Variants in ACP4 observed in about 807,000 individuals in gnomAD.
ACP4 encodes the protein acid phosphatase 4.
Under a neutral mutation model 47.3 loss-of-function variants are expected in ACP4, and 49 were observed. The observed-to-expected ratio is 1.04, with a 90% CI of 0.82 to 1.32. The LOEUF (loss-of-function observed/expected upper bound fraction) is 1.32, where lower values mean the gene tolerates loss of function less well. ACP4 is among the 40% of genes most tolerant of loss of function. The pLI, the probability that ACP4 is intolerant of heterozygous loss-of-function variation, is 0.00. For synonymous variants in ACP4, 299 were observed against 265.3 expected, an observed-to-expected ratio of 1.13 and a Z score of -1.23; for missense variants, 594 against 579.3, an observed-to-expected ratio of 1.03 and a Z score of -0.26.
rs1355692054 is a variant in ACP4 at position 50,792,123 on chromosome 19, GGAGGCCACC to G, written c.508_516del (p.Thr170_Ala172del). ...GTCCCCGATACCACGAGCTGCTGCG[GGAGGCCACC>G]GAGGCCGCCGAGTACCAGGAGGCCC... On this transcript the variant is annotated inframe_deletion, in exon 5 of 11. Transcript: ENST00000270593. 3 of 1,607,280 alleles carry G rather than the reference GGAGGCCACC, an allele frequency of 1.9e-6. No homozygotes were observed. The highest frequency in any genetic ancestry group is 2.2e-5 in the South Asian group (2 of 90,556).
intron 4 of ACP4, 46 bp downstream of exon 4, chr19:50,791,848 G>A (rs766278818): frequency 1.9e-6 from 3 of 1,542,792 alleles, no homozygotes; most frequent in African/African-American, 2.7e-5. Flanking sequence ...AGCGGGTGGA[G>A]AGAGAGGCAG....
chr19:50,792,557 G>C (rs2089519321), intron 6 of ACP4: 2 of 557,368 alleles, frequency 3.6e-6, no homozygotes, highest in South Asian at 2.5e-5. Flanking sequence ...ATAGTGCCTG[G>C]TGTACAGTGA....
intron 3 of ACP4, 36 bp downstream of exon 3, chr19:50,790,896 C>A: frequency 6.6e-7 from 1 of 1,526,036 alleles, no homozygotes; most frequent in Non-Finnish European, 8.8e-7. Context: ...GCCCCCTGAC[C>A]TCCCACCTGT....
Position 50,791,876 on chromosome 19 carries a change from T to A in ACP4, c.450+74T>A, listed in dbSNP as rs535803565. The A allele has an allele frequency of 3.3e-6, 5 of 1,509,194 alleles. No individual in the cohort carries two copies. In the African/African-American group the frequency reaches 6.9e-5, roughly 21 times the overall value. The allele number at this position is 1,509,194 out of a possible 1,614,324, so 93.5% of individuals were successfully genotyped here. On this transcript the variant is annotated intron_variant, in intron 4 of 10. Coordinates refer to ENST00000270593, the MANE Select transcript of ACP4 (RefSeq NM_033068.3). ...AGAGGCAGCTCTGGGTCTGGCCGCC[T>A]GAGCTGGCTCCGAGAAGCAAGACTG...
Position 50,792,228 on chromosome 19 carries a change from C to T in ACP4, c.550-14C>T, listed in dbSNP as rs533594913. ...AGGGGATGGGCCTGGGCTCACCCAG[C>T]CCCGCGCATCCAGGGCTTCCTGAGT... On this transcript the variant is annotated splice_polypyrimidine_tract_variant and intron_variant, in intron 5 of 10. Coordinates refer to ENST00000270593, the MANE Select transcript of ACP4 (RefSeq NM_033068.3). 27 of 1,612,584 alleles carry T rather than the reference C, an allele frequency of 1.7e-5. No individual in the cohort carries two copies. The highest frequency in any genetic ancestry group is 1.3e-4 in the East Asian group (6 of 44,878).
Position 50,792,185 on chromosome 19 carries a change from CG to C in ACP4, c.549+16del. On this transcript the variant is annotated intron_variant, in intron 5 of 10. Coordinates refer to ENST00000270593, the MANE Select transcript of ACP4 (RefSeq NM_033068.3). ...GAGGGCTGGACGGTGAGCAGGGCGG[CG>C]GTGGGGGGCGGGATGCAGGGGATGG... The C allele has an allele frequency of 6.2e-7, 1 of 1,610,324 alleles. No individual in the cohort carries two copies. The highest frequency in any genetic ancestry group is 1.7e-5 in the Admixed American group (1 of 59,952).
chr19:50,793,370 C>T, intron 6 of ACP4: 1 of 301,172 alleles, frequency 3.3e-6, no homozygotes, highest in Non-Finnish European at 6.2e-6. Flanking sequence ...AAAAAATTAG[C>T]CAGGAATGGT....
Position 50,794,776 on chromosome 19 carries a change from C to A in ACP4, c.987-10C>A. 1 of 1,589,630 alleles carries A rather than the reference C, an allele frequency of 6.3e-7. No homozygotes were observed. The highest frequency in any genetic ancestry group is 8.6e-7 in the Non-Finnish European group (1 of 1,165,040). On this transcript the variant is annotated splice_polypyrimidine_tract_variant and intron_variant, in intron 9 of 10. Coordinates refer to ENST00000270593, the MANE Select transcript of ACP4 (RefSeq NM_033068.3). Reference sequence around the variant, plus strand: ...GAGGGAGGAGGTGCCACCATGTCCTCTCTCTCCAGGAATGTCACCGTCTCC... The same window carrying A: ...GAGGGAGGAGGTGCCACCATGTCCTATCTCTCCAGGAATGTCACCGTCTCC...
Position 50,793,783 on chromosome 19 carries a change from C to T in ACP4, c.745C>T (p.Pro249Ser). 6.2e-7 allele frequency: 1 copy of T among 1,613,902 alleles called. No individual in the cohort carries two copies. The highest frequency in any genetic ancestry group is 8.5e-7 in the Non-Finnish European group (1 of 1,180,024). Residue 249 changes from proline (P) to serine (S), a missense_variant, in exon 7 of 11, where the codon CCC becomes TCC. Coordinates refer to ENST00000270593, the MANE Select transcript of ACP4 (RefSeq NM_033068.3). ...GGATATTGGAGCCCACGTGGGCCCA[C>T]CCCGGGCAGCAGAGAAGGCCCAGCT... ...ALDIGAHVGP[P>S]RAAEKAQLTG... is the part of the protein sequence containing the mutation.
At chr19:50,793,040 T>C (rs964483499) in intron 6 of ACP4, 2 of 154,676 alleles carry the variant, frequency 1.3e-5, no homozygotes, top group Non-Finnish European at 2.9e-5. Flanking sequence ...GGAGCAGTGA[T>C]GTGTGTGACT....
At chr19:50,791,869 G>A (rs1267325428) in intron 4 of ACP4, 67 bp downstream of exon 4, 13 of 1,516,552 alleles carry the variant, frequency 8.6e-6, no homozygotes, top group Non-Finnish European at 1.2e-5. Context: ...CTCTGGGTCT[G>A]GCCGCCTGAG....
rs374772444 is a variant in ACP4 at position 50,792,178 on chromosome 19, A to G, written c.549+7A>G. On this transcript the variant is annotated splice_region_variant and intron_variant, in intron 5 of 10. Coordinates refer to ENST00000270593, the MANE Select transcript of ACP4 (RefSeq NM_033068.3). ...GGCCCTGGAGGGCTGGACGGTGAGC[A>G]GGGCGGCGGTGGGGGGCGGGATGCA... 87 of 1,610,268 alleles carry G rather than the reference A, an allele frequency of 5.4e-5. No individual in the cohort carries two copies. In the African/African-American group the frequency reaches 1.0e-3, roughly 19 times the overall value.
rs1047373271 is a variant in ACP4 at position 50,791,920 on chromosome 19, C to A, written c.450+118C>A. 20 of 1,467,808 alleles carry A rather than the reference C, an allele frequency of 1.4e-5. No homozygotes were observed. In the African/African-American group the frequency reaches 2.7e-4, roughly 20 times the overall value. 90.9% of individuals were successfully genotyped at this position (1,467,808 alleles called of 1,614,324 possible). On this transcript the variant is annotated intron_variant, in intron 4 of 10. Transcript: ENST00000270593. ...AAGACTGTCCTCGAGCTGGTCTGTC[C>A]AGACCAGGGTGAGCCCCGGCCCACG...
intron 6 of ACP4, 155 bp from the exon 7 acceptor site, chr19:50,793,516 AAACAAAAAACAAC>A: frequency 9.4e-7 from 1 of 1,064,966 alleles, no homozygotes. Flanking sequence ...CTCCGTTTCA[AAACAAAAAACAAC>A]AACAAAAAAA....
Position 50,792,183 on chromosome 19 carries a change from G to T in ACP4, c.549+12G>T. On this transcript the variant is annotated intron_variant, in intron 5 of 10. Transcript: ENST00000270593. ...TGGAGGGCTGGACGGTGAGCAGGGC[G>T]GCGGTGGGGGGCGGGATGCAGGGGA... 1 of 1,610,418 alleles carries T rather than the reference G, an allele frequency of 6.2e-7. No homozygotes were observed. Among genetic ancestry groups the T allele is most frequent in the Non-Finnish European group, 8.5e-7 (1 of 1,179,400 alleles).
At position 50,794,826 on chromosome 19, in the gene ACP4, C is replaced by G. The variant is rs1394644949; in HGVS notation, c.1027C>G (p.His343Asp). 1 of 1,611,872 alleles carries G rather than the reference C, an allele frequency of 6.2e-7. No homozygotes were observed. Residue 343 changes from histidine (H) to aspartate (D), a missense_variant, in exon 10 of 11, where the codon CAC (histidine) becomes GAC (aspartate). Transcript: ENST00000270593. ...VSLFYRNDSA[H>D]LPLPLSLPGC... ...CCTCTTCTACCGCAATGACTCCGCC[C>G]ACCTGCCCCTGCCTCTCAGCCTCCC...
chr19:50,792,676 C>CTTTTTTT (rs781192952), intron 6 of ACP4: 1 of 110,530 alleles, frequency 9.0e-6, no homozygotes, highest in Non-Finnish European at 1.8e-5. Flanking sequence ...TGATGCAATG[C>CTTTTTTT]TTTTTTTTTT....
rs1409543847 is a variant in ACP4, at chr19:50,790,716, G to A, written c.216+18G>A. On this transcript the variant is annotated intron_variant, in intron 2 of 10. Transcript: ENST00000270593. ...TGACCACGGTGAGAAGCGGGTAGGC[G>A]GTGAGGGCAAGGGTGGGAGGGGTGG... The A allele has an allele frequency of 1.1e-5, 17 of 1,543,812 alleles. No individual in the cohort carries two copies. The highest frequency in any genetic ancestry group is 3.6e-5 in the South Asian group (3 of 83,874).
chr19:50,794,114 C>A, intron 8 of ACP4, 144 bp downstream of exon 8: 2 of 956,602 alleles, frequency 2.1e-6, no homozygotes, highest in South Asian at 1.4e-5. Flanking sequence ...TACTCTCAGG[C>A]TCTACCATTA....
Sources: gnomAD v4.1 joint callset for allele counts on GRCh38, gnomAD v4.1.1 for gene constraint, MANE v1.5 for transcripts, NCBI Gene and HGNC (gene_info 2026-07-23, HGNC 2026-07-21) for gene names.